DOP1B: variants seen among roughly 807,000 people sequenced by gnomAD.
DOP1B encodes the protein DOP1 leucine zipper like protein B, also known as protein DOP1B.
In DOP1B, 174 loss-of-function variants were observed where a neutral mutation model predicts 233.5. The observed-to-expected ratio is 0.75, with a 90% CI of 0.66 to 0.85. The LOEUF is 0.85. Among genes scored for constraint, DOP1B ranks in the 40% least tolerant of loss-of-function variants. DOP1B has a pLI of 0.00. For synonymous variants in DOP1B, 1,190 were observed against 1,185.6 expected (o/e 1.00, Z -0.08); for missense variants, 2,652 against 2,846.6 (o/e 0.93, Z 1.56).
intron 5 of DOP1B, among the ~76,000 whole-genome samples, chr21:36,211,124 C>CT (rs1488777877): frequency 2.6e-5 from 4 of 152,252 alleles, no homozygotes; most frequent in Admixed American, 2.0e-4. Context: ...CTTCTGAACT[C>CT]TGAGCGTTTG....
rs2066996630 is a variant in DOP1B at position 36,248,582 on chromosome 21, TC to T, written c.4998+15del. The T allele has an allele frequency of 6.3e-7, 1 of 1,592,024 alleles. No homozygotes were observed. Among genetic ancestry groups the T allele is most frequent in the Non-Finnish European group, 8.5e-7 (1 of 1,169,868 alleles). ...AAAACCACCAAAGTAAGAGGATGTC[TC>T]TGTAGTTCTGTCATTTACTTGGTCT... On this transcript the variant is annotated intron_variant, in intron 21 of 36. Transcript: ENST00000691173.
chr21:36,259,349 C>A (rs1471205089), intron 23 of DOP1B, among the ~76,000 whole-genome samples: 2 of 151,002 alleles, frequency 1.3e-5, no homozygotes, highest in Admixed American at 1.3e-4. Flanking sequence ...TGGTTCACTG[C>A]AACCTCTGCC....
intron 10 of DOP1B, 35 bp from the exon 11 acceptor site, chr21:36,223,196 A>G (rs780394999): frequency 1.3e-6 from 2 of 1,533,334 alleles, no homozygotes; most frequent in Admixed American, 2.5e-5. Flanking sequence ...GGATTTTTTT[A>G]TAGACATATT....
rs2065894171 is a variant in DOP1B, at chr21:36,164,822, C to G, written c.89C>G (p.Ser30Cys). The G allele has an allele frequency of 6.2e-7, 1 of 1,612,402 alleles. No homozygotes were observed. Among genetic ancestry groups the G allele is most frequent in the African/African-American group, 1.3e-5 (1 of 74,798 alleles). The change falls in exon 2 of 37, where the codon TCC (serine) becomes TGC (cysteine). Residue 30 changes from serine to cysteine, a missense_variant. By Grantham distance (112) the Ser-to-Cys change is moderately radical (BLOSUM62 -1). Transcript: ENST00000691173. ...VIEKALRNFE[S>C]SSEWADLISS... is the part of the protein sequence containing the mutation. ...GAAAAGGCTTTGAGAAATTTTGAGTCCTCGAGTGAATGGGCGGATCTCATA... is the reference window on the plus strand; with the variant it reads ...GAAAAGGCTTTGAGAAATTTTGAGTGCTCGAGTGAATGGGCGGATCTCATA...
intron 2 of DOP1B, chr21:36,169,177 G>A: frequency 9.7e-7 from 1 of 1,032,774 alleles, no homozygotes; most frequent in Non-Finnish European, 1.5e-6. Context: ...CCACCACACA[G>A]CCTTTCAGCA....
chr21:36,179,731 T>C (rs925629528), intron 2 of DOP1B, among the ~76,000 whole-genome samples: 5 of 152,096 alleles, frequency 3.3e-5, no homozygotes, highest in African/African-American at 1.2e-4. Flanking sequence ...GCCCACTCAA[T>C]CTTGTGTGTG....
intron 36 of DOP1B, 28 bp from the exon 37 acceptor site, chr21:36,293,292 C>A (rs1353780526): frequency 1.2e-6 from 2 of 1,606,082 alleles, no homozygotes; most frequent in South Asian, 2.2e-5. Context: ...AAAACCATAT[C>A]ATTGTTATGG....
intron 30 of DOP1B, among the ~76,000 whole-genome samples, chr21:36,279,559 C>T (rs1047623003): frequency 6.6e-6 from 1 of 152,218 alleles, no homozygotes; most frequent in African/African-American, 2.4e-5. Context: ...GCTGGTGGCC[C>T]TGTGGCCTCC....
intron 2 of DOP1B, among the ~76,000 whole-genome samples, chr21:36,186,063 C>T (rs1371537282): frequency 2.0e-5 from 3 of 152,038 alleles, no homozygotes; most frequent in Non-Finnish European, 4.4e-5. Flanking sequence ...ATTAGCTGGG[C>T]GTGGTGGCGG....
In DOP1B at chr21:36,293,622, C is replaced by A; in HGVS notation, c.*51C>A. On this transcript the variant is annotated 3_prime_UTR_variant, in exon 37 of 37. Transcript: ENST00000691173. ...CCATGTATTGGTACTTTACTGAAAACCAGGTTATATTCTAAAGAAGAAAGA... is the reference window on the plus strand; with the variant it reads ...CCATGTATTGGTACTTTACTGAAAAACAGGTTATATTCTAAAGAAGAAAGA... 1.9e-6 allele frequency: 3 copies of A among 1,576,370 alleles called. No homozygotes were observed. The highest frequency in any genetic ancestry group is 2.6e-6 in the Non-Finnish European group (3 of 1,151,664).
intron 27 of DOP1B, among the ~76,000 whole-genome samples, chr21:36,270,518 G>A (rs577991666): frequency 1.6e-4 from 19 of 115,722 alleles, no homozygotes; most frequent in East Asian, 1.3e-3. Context: ...ACGCCACTGC[G>A]CTCCAGCCCA....
intron 2 of DOP1B, among the ~76,000 whole-genome samples, chr21:36,185,699 A>G (rs2066157065): frequency 1.3e-5 from 2 of 152,212 alleles, no homozygotes; most frequent in South Asian, 2.1e-4. Context: ...AAGTCTAGAA[A>G]TGCGGAAGGT....
intron 24 of DOP1B, chr21:36,261,110 A>G (rs922788479): frequency 6.0e-6 from 6 of 999,934 alleles, no homozygotes; most frequent in Non-Finnish European, 7.1e-6. Context: ...CACACCTGCA[A>G]TCCCAGCACT....
At position 36,164,696 on chromosome 21, in the gene DOP1B, A is replaced by G; in HGVS notation, c.-26-12A>G. ...GGCTCTCTCATTTGGTTATTTTTTG[A>G]TTTGCTTTTAGATACTTTTCTGCTG... On this transcript the variant is annotated splice_polypyrimidine_tract_variant and intron_variant, in intron 1 of 36. Transcript: ENST00000691173. 6 of 1,522,024 alleles carry G rather than the reference A, an allele frequency of 3.9e-6. No homozygotes were observed. Among genetic ancestry groups the G allele is most frequent in the Non-Finnish European group, 5.3e-6 (6 of 1,135,440 alleles). 94.3% of individuals were successfully genotyped at this position (1,522,024 alleles called of 1,614,324 possible). A position where few individuals can be genotyped will look rare whatever the true frequency, so the allele number is the denominator to read the frequency against.
At chr21:36,259,541 G>A (rs935700658) in intron 23 of DOP1B, among the ~76,000 whole-genome samples, 3 of 152,158 alleles carry the variant, frequency 2.0e-5, no homozygotes, top group Admixed American at 1.3e-4. Context: ...CCAAACTTCC[G>A]GGATTATAGG....
intron 2 of DOP1B, among the ~76,000 whole-genome samples, chr21:36,198,404 G>A (rs2066318397): frequency 6.6e-6 from 1 of 151,668 alleles, no homozygotes; most frequent in Non-Finnish European, 1.5e-5. Context: ...ATTCCAGCCT[G>A]GGTGACAGAG....
intron 21 of DOP1B, among the ~76,000 whole-genome samples, chr21:36,250,051 G>A (rs2067014816): frequency 6.6e-6 from 1 of 152,140 alleles, no homozygotes; most frequent in Non-Finnish European, 1.5e-5. Context: ...GCTGTGGCTA[G>A]CATCCTGTCC....
intron 2 of DOP1B, 134 bp downstream of exon 2, chr21:36,165,005 C>A: frequency 9.9e-6 from 7 of 704,468 alleles, no homozygotes; most frequent in South Asian, 6.8e-5. Flanking sequence ...ACAGTATAAT[C>A]TTTATATTAT....
chr21:36,291,968 CTATGAA>C, intron 35 of DOP1B, 130 bp from the exon 36 acceptor site: 1 of 1,060,842 alleles, frequency 9.4e-7, no homozygotes, highest in South Asian at 1.9e-5. Context: ...ACGTGCAACT[CTATGAA>C]TATAATAAAA....
Sources: gnomAD v4.1 joint callset for allele counts (sites outside exome capture counted in the v4.1 genomes callset) on GRCh38, gnomAD v4.1.1 for gene constraint, MANE v1.5 for transcripts, NCBI Gene and HGNC (gene_info 2026-07-23, HGNC 2026-07-21) for gene names.